Variants in CDC14A observed in about 807,000 individuals in gnomAD.
CDC14A encodes cell division cycle 14A.
Under a neutral mutation model 74.4 loss-of-function variants are expected in CDC14A, and 53 were observed. The ratio of observed to expected loss-of-function variants is 0.71; its 90% CI spans 0.57 to 0.89. The LOEUF is 0.89. CDC14A is among the 40% of genes least tolerant of loss of function. The pLI is 0.00. For missense variants in CDC14A, 646 were observed against 713.7 expected (o/e 0.91, Z 1.08); for synonymous variants, 247 against 258.4 (o/e 0.96, Z 0.43).
chr1:100,368,641 A>C (rs982457971), intron 2 of CDC14A, among the ~76,000 whole-genome samples: 8 of 152,216 alleles, frequency 5.3e-5, no homozygotes, highest in Non-Finnish European at 7.3e-5. Context: ...TTTGTATACA[A>C]GCATATTTTG....
intron 15 of CDC14A, chr1:100,504,876 A>G (rs1028634590): frequency 9.8e-6 from 15 of 1,535,252 alleles, no homozygotes; most frequent in East Asian, 2.4e-5. Context: ...TCTCCTTACC[A>G]ATTTCTCATC....
intron 4 of CDC14A, chr1:100,391,128 G>A (rs915519447): frequency 2.6e-6 from 1 of 380,144 alleles, no homozygotes; most frequent in African/African-American, 2.1e-5. Flanking sequence ...AAAAAAATGT[G>A]TGTGTGCATG....
rs1469590165 is a variant in CDC14A, at chr1:100,475,027, G to T, written c.977+6933G>T. Among the ~76,000 whole-genome samples, 3 of 152,054 alleles carry T rather than the reference G, an allele frequency of 2.0e-5. No homozygotes were observed. In the East Asian group the frequency reaches 5.8e-4, roughly 29 times the overall value. On this transcript the variant is annotated intron_variant, in intron 10 of 15. Transcript: ENST00000336454. ...CTGTCCTCTTTTTCCTTTCCTTCTG[G>T]AACTCTGTTGACATGAGTGTTAGGT...
At chr1:100,443,213 T>A in intron 7 of CDC14A, 1 of 431,570 alleles carries the variant, frequency 2.3e-6, no homozygotes, top group Non-Finnish European at 4.1e-6. Context: ...ATATATATTC[T>A]CTCATTTATA....
At chr1:100,364,607 A>G (rs1172312772) in intron 2 of CDC14A, among the ~76,000 whole-genome samples, 2 of 152,190 alleles carry the variant, frequency 1.3e-5, no homozygotes, top group Non-Finnish European at 2.9e-5. Context: ...TGTATGGGGG[A>G]ATCGCTCATC....
intron 2 of CDC14A, among the ~76,000 whole-genome samples, chr1:100,368,355 A>C (rs1241693523): frequency 2.0e-5 from 3 of 152,244 alleles, no homozygotes; most frequent in Admixed American, 2.0e-4. Context: ...AGTACAGATC[A>C]ACTTAAGGAT....
At chr1:100,483,450 T>C (rs1254656112) in intron 10 of CDC14A, among the ~76,000 whole-genome samples, 1 of 152,178 alleles carries the variant, frequency 6.6e-6, no homozygotes, top group African/African-American at 2.4e-5. Context: ...GTCTCCTTGA[T>C]GATGCAATTA....
chr1:100,406,819 AG>A (rs1341739366), intron 4 of CDC14A, among the ~76,000 whole-genome samples: 2 of 151,800 alleles, frequency 1.3e-5, no homozygotes, highest in African/African-American at 4.8e-5. Context: ...CTAGCTTCTC[AG>A]GAGGCTGAGG....
rs1668228749 is a variant in CDC14A, at chr1:100,469,959, A to G, written c.977+1865A>G. On this transcript the variant is annotated intron_variant, in intron 10 of 15. Coordinates refer to ENST00000336454, the MANE Select transcript of CDC14A (RefSeq NM_003672.4). ...AAATTTATAGATACTTAAGCTGTAT[A>G]TAAAGAACTCTCAAAACTCAAGAAA... Among the ~76,000 whole-genome samples, 4 of 152,228 alleles carry G rather than the reference A, an allele frequency of 2.6e-5. No homozygotes were observed. In the South Asian group the frequency reaches 8.3e-4, roughly 32 times the overall value.
intron 3 of CDC14A, among the ~76,000 whole-genome samples, chr1:100,384,164 C>G (rs1218822278): frequency 6.6e-6 from 1 of 152,120 alleles, no homozygotes; most frequent in African/African-American, 2.4e-5. Context: ...TAGAAAATGT[C>G]TGGGGTCAAT....
rs151071306 is a variant in CDC14A, at chr1:100,473,873, T to C, written c.977+5779T>C. Among the ~76,000 whole-genome samples, 94 of 152,304 alleles carry C rather than the reference T, an allele frequency of 6.2e-4. No homozygotes were observed. In the South Asian group the frequency reaches 7.9e-3, roughly 13 times the overall value. ...CTTCCCTTGTTGGACAGGCTAAAACTTCCAGCGCTGTGATGAGTAAGAGTG... is the reference window on the plus strand; with the variant it reads ...CTTCCCTTGTTGGACAGGCTAAAACCTCCAGCGCTGTGATGAGTAAGAGTG... On this transcript the variant is annotated intron_variant, in intron 10 of 15. Coordinates refer to ENST00000336454, the MANE Select transcript of CDC14A (RefSeq NM_003672.4).
intron 13 of CDC14A, among the ~76,000 whole-genome samples, 191 bp downstream of exon 13, chr1:100,496,240 C>G (rs1365094555): frequency 8.4e-6 from 1 of 119,542 alleles, no homozygotes; most frequent in African/African-American, 3.1e-5. Flanking sequence ...TTTTTTTTTG[C>G]TGGCATGCCC....
chr1:100,504,870 C>T, intron 15 of CDC14A: 1 of 1,535,614 alleles, frequency 6.5e-7, no homozygotes, highest in Non-Finnish European at 8.7e-7. Flanking sequence ...CCCTGCTCTC[C>T]TTACCAATTT....
intron 5 of CDC14A, among the ~76,000 whole-genome samples, chr1:100,437,505 A>G (rs1365785735): frequency 2.0e-5 from 3 of 152,202 alleles, no homozygotes; most frequent in Admixed American, 6.5e-5. Context: ...AATCTGGAGG[A>G]TATGACTAAA....
upstream of CDC14A, among the ~76,000 whole-genome samples, chr1:100,348,017 T>G (rs1431150218): frequency 6.6e-6 from 1 of 152,128 alleles, no homozygotes; most frequent in East Asian, 1.9e-4. Context: ...GGTGCAGTGG[T>G]TCATGCCTGT....
intron 4 of CDC14A, among the ~76,000 whole-genome samples, chr1:100,403,097 A>G (rs1445424771): frequency 1.3e-5 from 2 of 152,178 alleles, no homozygotes; most frequent in African/African-American, 2.4e-5. Context: ...GCAAGGAATG[A>G]TATAAAGTAG....
chr1:100,489,315 ACTGT>A (rs931823275), intron 11 of CDC14A, among the ~76,000 whole-genome samples: 1 of 151,842 alleles, frequency 6.6e-6, no homozygotes, highest in Non-Finnish European at 1.5e-5. Flanking sequence ...TTCTATTTAA[ACTGT>A]CTATTTATGT....
At chr1:100,399,123 T>C (rs1658922825) in intron 4 of CDC14A, among the ~76,000 whole-genome samples, 1 of 152,134 alleles carries the variant, frequency 6.6e-6, no homozygotes, top group Non-Finnish European at 1.5e-5. Flanking sequence ...GTAGAAGAAA[T>C]GTGGAAAAAT....
intron 3 of CDC14A, among the ~76,000 whole-genome samples, chr1:100,388,914 C>G (rs1657250272): frequency 6.6e-6 from 1 of 152,060 alleles, no homozygotes; most frequent in Non-Finnish European, 1.5e-5. Context: ...GTGGCTCATG[C>G]CTGTAATCTC....
Sources: gnomAD v4.1 joint callset for allele counts (sites outside exome capture counted in the v4.1 genomes callset) on GRCh38, gnomAD v4.1.1 for gene constraint, MANE v1.5 for transcripts, NCBI Gene and HGNC (gene_info 2026-07-23, HGNC 2026-07-21) for gene names.